The following MGRN1 variants were observed in gnomAD, a reference collection of about 807,000 sequenced individuals.
MGRN1 encodes mahogunin ring finger 1.
MGRN1 carries 29 observed loss-of-function variants against 69.2 expected under a neutral mutation model. That is an observed-to-expected ratio of 0.42 (90% CI 0.31 to 0.57). MGRN1 has a LOEUF of 0.57. MGRN1 is among the 20% of genes least tolerant of loss of function. The pLI is 0.15. For synonymous variants in MGRN1, 470 were observed against 344.2 expected, an observed-to-expected ratio of 1.37 and a Z score of -4.04; for missense variants, 998 against 796.2, an observed-to-expected ratio of 1.25 and a Z score of -3.05.
intron 1 of MGRN1, among the ~76,000 whole-genome samples, chr16:4,637,141 A>T (rs1007003336): frequency 2.7e-5 from 4 of 146,434 alleles, no homozygotes; most frequent in African/African-American, 1.0e-4. Context: ...AAAAAAAAAA[A>T]TTGAGTGGCC....
intron 5 of MGRN1, among the ~76,000 whole-genome samples, chr16:4,660,973 C>T (rs1011602791): frequency 1.5e-4 from 23 of 152,298 alleles, no homozygotes; most frequent in African/African-American, 5.5e-4. Context: ...CACGTCCCTG[C>T]AGCCTTTTAT....
intron 5 of MGRN1, among the ~76,000 whole-genome samples, chr16:4,663,371 T>TG (rs1417555479): frequency 7.8e-5 from 10 of 127,678 alleles, no homozygotes; most frequent in Admixed American, 6.4e-4. Context: ...CCTTGTTTTT[T>TG]TTTTTTTTTT....
At chr16:4,652,188 C>A in intron 3 of MGRN1, 137 bp downstream of exon 3, 1 of 757,054 alleles carries the variant, frequency 1.3e-6, no homozygotes, top group Non-Finnish European at 2.1e-6. Context: ...GAATGAGAGG[C>A]TGTCCTGGGC....
At chr16:4,680,600 C>G (rs1268046745) in intron 12 of MGRN1, 1 of 159,368 alleles carries the variant, frequency 6.3e-6, no homozygotes, top group Non-Finnish European at 1.4e-5. Context: ...CAGACCCAGC[C>G]GAAACCCTGT....
rs539081415 is a variant in MGRN1, at chr16:4,630,673, C to G, written c.88+5625C>G. On this transcript the variant is annotated intron_variant, in intron 1 of 16. Coordinates refer to ENST00000262370, the MANE Select transcript of MGRN1 (RefSeq NM_015246.4). ...CCATATTGGCCAGGCTGATCTCAAA[C>G]TGACCTTGTGATCTGCCTGCCTTGG... Among the ~76,000 whole-genome samples, 80 of 152,208 alleles carry G rather than the reference C, an allele frequency of 5.3e-4. No individual in the cohort carries two copies. The South Asian group carries it at 0.016, about 30-fold the overall frequency.
chr16:4,664,867 C>T (rs1360214769), intron 6 of MGRN1, 92 bp downstream of exon 6: 12 of 1,524,356 alleles, frequency 7.9e-6, no homozygotes, highest in Non-Finnish European at 1.0e-5. Context: ...AGTGATGAAG[C>T]AGGCCAGGCA....
intron 1 of MGRN1, among the ~76,000 whole-genome samples, chr16:4,637,362 G>A (rs951188203): frequency 3.3e-5 from 5 of 152,010 alleles, no homozygotes; most frequent in African/African-American, 7.2e-5. Context: ...CCTGGGAGAT[G>A]GAGGTTACAG....
At chr16:4,628,212 C>T (rs549846036) in intron 1 of MGRN1, among the ~76,000 whole-genome samples, 4 of 151,796 alleles carry the variant, frequency 2.6e-5, no homozygotes, top group African/African-American at 9.7e-5. Flanking sequence ...CGGTGAAACC[C>T]CATGTCTACT....
chr16:4,652,847 A>T, intron 4 of MGRN1, 23 bp downstream of exon 4: 1 of 1,575,924 alleles, frequency 6.3e-7, no homozygotes, highest in Non-Finnish European at 8.6e-7. Context: ...GGCGGCTGGC[A>T]CCGGCCTGGC....
chr16:4,639,385 G>A lies in MGRN1; in HGVS notation c.89-10980G>A, dbSNP rs540881126. Among the ~76,000 whole-genome samples, 7 of 152,304 alleles carry A rather than the reference G, an allele frequency of 4.6e-5. No homozygotes were observed. In the South Asian group the frequency reaches 6.2e-4, roughly 14 times the overall value. On this transcript the variant is annotated intron_variant, in intron 1 of 16. Coordinates refer to ENST00000262370, the MANE Select transcript of MGRN1 (RefSeq NM_015246.4). ...ATAGCCCAGGCCGGGAAGGTGGGGCGGGGTGGGCAGGGCATGTGGAATCAC... is the reference window on the plus strand; with the variant it reads ...ATAGCCCAGGCCGGGAAGGTGGGGCAGGGTGGGCAGGGCATGTGGAATCAC...
chr16:4,674,442 C>T (rs929860091), intron 10 of MGRN1, among the ~76,000 whole-genome samples: 5 of 151,560 alleles, frequency 3.3e-5, no homozygotes, highest in Admixed American at 1.3e-4. Flanking sequence ...CCCTGCACCA[C>T]CATGCCTGGC....
intron 15 of MGRN1, 142 bp downstream of exon 15, chr16:4,683,411 C>T (rs2079234587): frequency 2.1e-6 from 2 of 974,248 alleles, no homozygotes; most frequent in East Asian, 5.2e-5. Flanking sequence ...CCCTCGGCGG[C>T]ACTGGGATCC....
At position 4,689,806 on chromosome 16, in the gene MGRN1, C is replaced by T. The variant is rs146426293; in HGVS notation, c.*898C>T. 0.016 allele frequency: 2,396 copies of T among 150,816 alleles called. 28 individuals carry two copies. The highest frequency in any genetic ancestry group is 0.025 in the Non-Finnish European group (1,699 of 67,846). The allele number at this position is 150,816 out of a possible 1,614,324, so 9.3% of individuals were successfully genotyped here. A position where few individuals can be genotyped will look rare whatever the true frequency, so the allele number is the denominator to read the frequency against. ...TTGAGATGGAGTTTCACTCTTGCTG[C>T]CCAGGCTGGAGTGCAGTGGCTCAAT... On this transcript the variant is annotated 3_prime_UTR_variant, in exon 17 of 17. Coordinates refer to ENST00000262370, the MANE Select transcript of MGRN1 (RefSeq NM_015246.4).
intron 5 of MGRN1, among the ~76,000 whole-genome samples, chr16:4,661,496 G>A (rs1396314972): frequency 2.0e-5 from 3 of 152,234 alleles, no homozygotes; most frequent in Non-Finnish European, 4.4e-5. Flanking sequence ...TTTGTGTTAG[G>A]CACGGCTTCC....
intron 1 of MGRN1, 62 bp from the exon 2 acceptor site, chr16:4,650,303 C>T (rs2078374344): frequency 7.3e-7 from 1 of 1,363,388 alleles, no homozygotes; most frequent in Non-Finnish European, 1.0e-6. Flanking sequence ...GCACTCTAGC[C>T]TGAGACTCTG....
chr16:4,653,885 T>G (rs1191608436), intron 4 of MGRN1, among the ~76,000 whole-genome samples: 1 of 152,146 alleles, frequency 6.6e-6, no homozygotes, highest in African/African-American at 2.4e-5. Flanking sequence ...CCCGAGTAGC[T>G]GGGATTACAG....
intron 4 of MGRN1, 132 bp downstream of exon 4, chr16:4,652,956 A>C: frequency 1.7e-6 from 2 of 1,205,128 alleles, no homozygotes; most frequent in African/African-American, 1.6e-5. Context: ...GGACTTTACC[A>C]CGATGTGAGG....
At chr16:4,684,856 C>A (rs568998914) in intron 16 of MGRN1, among the ~76,000 whole-genome samples, 82 of 152,242 alleles carry the variant, frequency 5.4e-4, no homozygotes, top group Non-Finnish European at 8.8e-5. Flanking sequence ...TCTTCCCTCG[C>A]GGCTGCCAGG....
chr16:4,665,862 C>T (rs1371338207), intron 7 of MGRN1, among the ~76,000 whole-genome samples: 2 of 151,652 alleles, frequency 1.3e-5, no homozygotes, highest in Non-Finnish European at 2.9e-5. Flanking sequence ...CAGAGTCTCG[C>T]TCTTTTGCCC....
Sources: gnomAD v4.1 joint callset for allele counts (sites outside exome capture counted in the v4.1 genomes callset) on GRCh38, gnomAD v4.1.1 for gene constraint, MANE v1.5 for transcripts, NCBI Gene and HGNC (gene_info 2026-07-23, HGNC 2026-07-21) for gene names.